MROH2B: variants seen among roughly 807,000 people sequenced by gnomAD.
The protein encoded by MROH2B is maestro heat-like repeat-containing protein family member 2B.
Under a neutral mutation model 208.6 loss-of-function variants are expected in MROH2B, and 177 were observed. The observed-to-expected ratio is 0.85, with a 90% confidence interval of 0.75 to 0.96. The LOEUF (loss-of-function observed/expected upper bound fraction) is 0.96. Ranked by LOEUF, MROH2B falls within the 40% of genes least tolerant of loss-of-function variation. MROH2B has a pLI of 0.00. For missense variants in MROH2B, 2,002 were observed against 1,878.7 expected, an observed-to-expected ratio of 1.07 and a Z score of -1.21; for synonymous variants, 728 against 659.0, an observed-to-expected ratio of 1.10 and a Z score of -1.60.
intron 21 of MROH2B, among the ~76,000 whole-genome samples, chr5:41,036,379 G>A (rs371531824): frequency 3.9e-5 from 6 of 152,202 alleles, no homozygotes; most frequent in East Asian, 1.9e-4. Flanking sequence ...CATGAGACAT[G>A]CCTTTCACCT....
chr5:41,021,917 T>C (rs1742163139), intron 24 of MROH2B, among the ~76,000 whole-genome samples: 1 of 152,050 alleles, frequency 6.6e-6, no homozygotes, highest in Non-Finnish European at 1.5e-5. Flanking sequence ...GCCCATGGAA[T>C]AGAATAAAGA....
rs542037697 is a variant in MROH2B at position 40,998,726 on chromosome 5, G to A, written c.4586-49C>T. On this transcript the variant is annotated intron_variant, in intron 40 of 41. Coordinates refer to ENST00000399564, the MANE Select transcript of MROH2B (RefSeq NM_173489.5). Reference sequence around the variant, plus strand: ...TACTGATTTCATTATAGAGGAAGAAGCCATGAAAAGTATAGCAGGTTAGAC... The same window carrying A: ...TACTGATTTCATTATAGAGGAAGAAACCATGAAAAGTATAGCAGGTTAGAC... 6.8e-6 allele frequency: 10 copies of A among 1,477,552 alleles called. No individual in the cohort carries two copies. In the South Asian group the frequency reaches 1.2e-4, roughly 18 times the overall value. The allele number at this position is 1,477,552 out of a possible 1,614,324, so 91.5% of individuals were successfully genotyped here. A position where few individuals can be genotyped will look rare whatever the true frequency, so the allele number is the denominator to read the frequency against.
chr5:41,000,067 T>C (rs1376176), intron 39 of MROH2B, 153 bp downstream of exon 39: 433,940 of 1,001,072 alleles, frequency 0.43, 95,706 homozygotes, highest in African/African-American at 0.52. Context: ...TACCTCTATG[T>C]CACTATATCC....
intron 2 of MROH2B, 146 bp from the exon 3 acceptor site, chr5:41,067,364 C>T (rs1743843693): frequency 3.9e-6 from 2 of 517,394 alleles, no homozygotes; most frequent in East Asian, 3.4e-5. Flanking sequence ...TTGAGGCTTT[C>T]TTTTTTTTTT....
intron 32 of MROH2B, 39 bp downstream of exon 32, chr5:41,009,241 A>C: frequency 1.2e-6 from 2 of 1,609,442 alleles, no homozygotes; most frequent in Non-Finnish European, 1.7e-6. Context: ...AAGATGGCGC[A>C]GTCTCAGGCA....
chr5:41,038,845 A>G lies in MROH2B; in HGVS notation c.2105T>C (p.Met702Thr). 2 of 1,613,616 alleles carry G rather than the reference A, an allele frequency of 1.2e-6. No individual in the cohort carries two copies. Among genetic ancestry groups the G allele is most frequent in the Non-Finnish European group, 1.7e-6 (2 of 1,179,700 alleles). The change falls in exon 21 of 42, where the codon ATG becomes ACG. Residue 702 changes from methionine to threonine, a missense_variant. Transcript: ENST00000399564. ...GKKSLTKTDV[M>T]VIYGAVALHA... ...GAGGGCCACTGCTCCATAGATGACC[A>G]TGACATCTGTCTTGGTCAGGCTCTT...
chr5:41,025,102 C>A (rs549350054), intron 24 of MROH2B, among the ~76,000 whole-genome samples: 1 of 152,130 alleles, frequency 6.6e-6, no homozygotes, highest in Non-Finnish European at 1.5e-5. Flanking sequence ...AAAATTGACA[C>A]CCTAACATCA....
In MROH2B at chr5:41,065,492, T is replaced by G. The variant is rs932652632; in HGVS notation, c.202-2A>C. On this transcript the variant is annotated splice_acceptor_variant, in intron 3 of 41. Transcript: ENST00000399564. LOFTEE classifies it high-confidence loss of function. ...TAGCATTCTGATTTCTCTGAGCATC[T>G]GAGGAGGAAAAGAAAAATAACAATA... The G allele has an allele frequency of 6.2e-7, 1 of 1,611,562 alleles. No individual in the cohort carries two copies. The highest frequency in any genetic ancestry group is 8.5e-7 in the Non-Finnish European group (1 of 1,179,018).
chr5:41,020,926 T>G lies in MROH2B; in HGVS notation c.2442-1908A>C, dbSNP rs113705812. On this transcript the variant is annotated intron_variant, in intron 24 of 41. Coordinates refer to ENST00000399564, the MANE Select transcript of MROH2B (RefSeq NM_173489.5). ...TTTTTACAACTTCTATTTAGCATAG[T>G]GCTGGAAGTTCTAGCCAGAGCAATT... Among the ~76,000 whole-genome samples the G allele has an allele frequency of 5.3e-5, 8 of 152,300 alleles. 1 individual carries two copies. Among genetic ancestry groups the G allele is most frequent in the African/African-American group, 1.9e-4 (8 of 41,568 alleles).
chr5:41,030,445 A>G (rs1354037592), intron 24 of MROH2B, among the ~76,000 whole-genome samples: 3 of 152,116 alleles, frequency 2.0e-5, no homozygotes, highest in African/African-American at 4.8e-5. Flanking sequence ...AAGGAAAACT[A>G]CAAAGCACTG....
At chr5:41,017,742 G>C in intron 28 of MROH2B, 108 bp downstream of exon 28, 1 of 1,246,218 alleles carries the variant, frequency 8.0e-7, no homozygotes, top group Admixed American at 2.9e-5. Flanking sequence ...AAAGAGGAGA[G>C]AGGAGAGGGG....
At chr5:41,061,801 G>T in intron 5 of MROH2B, 77 bp from the exon 6 acceptor site, 1 of 1,429,356 alleles carries the variant, frequency 7.0e-7, no homozygotes, top group Non-Finnish European at 9.4e-7. Flanking sequence ...TGAGAAGAGA[G>T]TGCTGATGAT....
In MROH2B at chr5:41,012,518, G is replaced by A. The variant is rs954778263; in HGVS notation, c.3135+65C>T. The A allele has an allele frequency of 6.5e-6, 10 of 1,532,756 alleles. No individual in the cohort carries two copies. In the South Asian group the frequency reaches 1.0e-4, roughly 16 times the overall value. 94.9% of individuals were successfully genotyped at this position (1,532,756 alleles called of 1,614,324 possible). A position where few individuals can be genotyped will look rare whatever the true frequency, so the allele number is the denominator to read the frequency against. On this transcript the variant is annotated intron_variant, in intron 30 of 41. Coordinates refer to ENST00000399564, the MANE Select transcript of MROH2B (RefSeq NM_173489.5). ...CCATCAGTGGACAAACAGAGAAAGT[G>A]GCTGACTTGGCATTTCAGAAGTGAT...
At chr5:41,015,852 C>T (rs1741931674) in intron 28 of MROH2B, among the ~76,000 whole-genome samples, 1 of 152,170 alleles carries the variant, frequency 6.6e-6, no homozygotes, top group South Asian at 2.1e-4. Flanking sequence ...CTCTGCTATG[C>T]TGCTATCTCT....
Position 41,012,775 on chromosome 5 carries a change from C to T in MROH2B, c.2983-40G>A, listed in dbSNP as rs769736295. On this transcript the variant is annotated intron_variant, in intron 29 of 41. Coordinates refer to ENST00000399564, the MANE Select transcript of MROH2B (RefSeq NM_173489.5). ...AGAAAGATTCGTGTAATCAACCACC[C>T]CATTTTATATCTAGATACTTACAAC... 5.5e-5 allele frequency: 89 copies of T among 1,608,702 alleles called. 2 individuals carry two copies. In the South Asian group the frequency reaches 6.4e-4, roughly 12 times the overall value.
At chr5:41,005,476 G>A in intron 35 of MROH2B, 55 bp downstream of exon 35, 1 of 1,049,334 alleles carries the variant, frequency 9.5e-7, no homozygotes, top group Non-Finnish European at 1.3e-6. Flanking sequence ...CAGACCATAA[G>A]AGAAATACCC....
chr5:41,032,880 C>A (rs1227015337), intron 23 of MROH2B, 59 bp from the exon 24 acceptor site: 10 of 1,564,524 alleles, frequency 6.4e-6, no homozygotes, highest in Non-Finnish European at 8.7e-6. Context: ...TTACCAGATG[C>A]AGCTGCAACC....
At chr5:41,036,380 C>A (rs990236467) in intron 21 of MROH2B, among the ~76,000 whole-genome samples, 1 of 152,100 alleles carries the variant, frequency 6.6e-6, no homozygotes, top group Admixed American at 6.6e-5. Flanking sequence ...ATGAGACATG[C>A]CTTTCACCTT....
intron 36 of MROH2B, 123 bp from the exon 37 acceptor site, chr5:41,004,651 T>C (rs1273684723): frequency 2.0e-6 from 3 of 1,517,664 alleles, no homozygotes; most frequent in Non-Finnish European, 1.8e-6. Context: ...ACCGAAGGAC[T>C]ACCACTTCAG....
Sources: gnomAD v4.1 joint callset for allele counts (sites outside exome capture counted in the v4.1 genomes callset) on GRCh38, gnomAD v4.1.1 for gene constraint, MANE v1.5 for transcripts, NCBI Gene and HGNC (gene_info 2026-07-23, HGNC 2026-07-21) for gene names.